Variants in ABCA5 observed in about 807,000 individuals in gnomAD.
ABCA5 encodes cholesterol transporter ABCA5.
A neutral mutation model predicts 206.0 loss-of-function variants in ABCA5; 163 were observed. The ratio of observed to expected loss-of-function variants is 0.79; its 90% CI spans 0.70 to 0.90. ABCA5 has a LOEUF of 0.90. Among genes scored for constraint, ABCA5 ranks in the 40% least tolerant of loss-of-function variants. ABCA5 has a pLI of 0.00. For missense variants in ABCA5, 1,859 were observed against 1,912.9 expected, an observed-to-expected ratio of 0.97 and a Z score of 0.53; for synonymous variants, 609 against 613.8, an observed-to-expected ratio of 0.99 and a Z score of 0.11.
At chr17:69,282,716 G>C (rs911613274) in intron 18 of ABCA5, among the ~76,000 whole-genome samples, 1 of 148,876 alleles carries the variant, frequency 6.7e-6, no homozygotes, top group Middle Eastern at 3.5e-3. Context: ...AGGTTGCAGT[G>C]AGCCGGGATG....
At chr17:69,271,950 C>T (rs1473696576) in intron 20 of ABCA5, among the ~76,000 whole-genome samples, 4 of 152,098 alleles carry the variant, frequency 2.6e-5, no homozygotes, top group Admixed American at 6.6e-5. Context: ...TAAATCCTGT[C>T]GGGATTTAAA....
chr17:69,246,454 C>CA lies in ABCA5; in HGVS notation c.*1082dup, dbSNP rs532287061. 3.3e-5 allele frequency: 5 copies of CA among 152,000 alleles called. No homozygotes were observed. In the South Asian group the frequency reaches 1.0e-3, roughly 31 times the overall value. 9.4% of individuals were successfully genotyped at this position (152,000 alleles called of 1,614,324 possible). On this transcript the variant is annotated 3_prime_UTR_variant, in exon 39 of 39. Coordinates refer to ENST00000392676, the MANE Select transcript of ABCA5 (RefSeq NM_172232.4). ...ATATTAGCCATGCCTTTAACTCTAT[C>CA]AAAAATGAAATTCTGGTTCTTATTA...
At chr17:69,267,061 G>A (rs2075217309) in intron 23 of ABCA5, among the ~76,000 whole-genome samples, 1 of 151,856 alleles carries the variant, frequency 6.6e-6, no homozygotes, top group Non-Finnish European at 1.5e-5. Flanking sequence ...TTTTAGTAGA[G>A]ACGGGGTTTC....
intron 37 of ABCA5, chr17:69,249,594 T>A: frequency 3.1e-6 from 1 of 319,152 alleles, no homozygotes; most frequent in Non-Finnish European, 5.8e-6. Context: ...TGATAAACTG[T>A]GTCAATGCTC....
Position 69,306,732 on chromosome 17 carries a change from C to A in ABCA5, c.781G>T (p.Ala261Ser), listed in dbSNP as rs184731520. The change falls in exon 6 of 39, where the codon GCC (alanine) becomes TCC (serine). Residue 261 changes from alanine (A) to serine (S), a missense_variant. Transcript: ENST00000392676. ...FLKIMGLHDT[A>S]FWLSWVLLYT... ...AAATTTTTAATAACATACCAAAAGG[C>A]AGTATCATGAAGTCCCATTATCTTT... The A allele has an allele frequency of 2.4e-4, 333 of 1,406,260 alleles. No individual in the cohort carries two copies. The African/African-American group carries it at 4.8e-3, about 20-fold the overall frequency. The allele number at this position is 1,406,260 out of a possible 1,614,324, so 87.1% of individuals were successfully genotyped here. A position where few individuals can be genotyped will look rare whatever the true frequency, so the allele number is the denominator to read the frequency against.
At chr17:69,267,864 G>T in intron 23 of ABCA5, 79 bp downstream of exon 23, 1 of 686,434 alleles carries the variant, frequency 1.5e-6, no homozygotes, top group Non-Finnish European at 2.5e-6. Context: ...ATTATACTAA[G>T]CCTTGCAATC....
At chr17:69,314,101 T>G (rs1179313283) in intron 2 of ABCA5, among the ~76,000 whole-genome samples, 3 of 152,138 alleles carry the variant, frequency 2.0e-5, no homozygotes, top group African/African-American at 7.2e-5. Context: ...ATTAACTAAA[T>G]GTAGAAATTA....
At chr17:69,253,718 G>A in intron 33 of ABCA5, 51 bp from the exon 34 acceptor site, 2 of 1,583,968 alleles carry the variant, frequency 1.3e-6, no homozygotes, top group Non-Finnish European at 1.7e-6. Flanking sequence ...TTCACTATAA[G>A]GAATCTATCA....
Position 69,249,987 on chromosome 17 carries a change from G to A in ABCA5, c.4686-3C>T. On this transcript the variant is annotated splice_polypyrimidine_tract_variant and splice_region_variant and intron_variant, in intron 36 of 38. Transcript: ENST00000392676. ...TATAAGCCAAAATAGAAGAAAAACT[G>A]GAAAAAAAGATAAAATATGGAAAAA... 1 of 1,454,562 alleles carries A rather than the reference G, an allele frequency of 6.9e-7. No individual in the cohort carries two copies. Among genetic ancestry groups the A allele is most frequent in the Non-Finnish European group, 9.2e-7 (1 of 1,092,432 alleles). 90.1% of individuals were successfully genotyped at this position (1,454,562 alleles called of 1,614,324 possible). A position where few individuals can be genotyped will look rare whatever the true frequency, so the allele number is the denominator to read the frequency against.
At chr17:69,254,270 C>A in intron 32 of ABCA5, 45 bp downstream of exon 32, 1 of 1,481,816 alleles carries the variant, frequency 6.7e-7, no homozygotes, top group Non-Finnish European at 9.1e-7. Flanking sequence ...GAAATGCAAA[C>A]CTTTCCTCTA....
chr17:69,286,086 A>G, intron 16 of ABCA5, 49 bp from the exon 17 acceptor site: 2 of 1,578,860 alleles, frequency 1.3e-6, no homozygotes, highest in South Asian at 1.2e-5. Context: ...TAAACAGCCA[A>G]AAGTAAATTA....
intron 33 of ABCA5, 60 bp from the exon 34 acceptor site, chr17:69,253,727 C>A: frequency 3.2e-6 from 5 of 1,578,726 alleles, no homozygotes; most frequent in Non-Finnish European, 4.4e-6. Context: ...AGGAATCTAT[C>A]AAGACAATAT....
At chr17:69,301,348 C>T in intron 8 of ABCA5, 62 bp from the exon 9 acceptor site, 1 of 1,436,000 alleles carries the variant, frequency 7.0e-7, no homozygotes, top group Non-Finnish European at 9.4e-7. Flanking sequence ...AAAGCTAACA[C>T]TACTTAAGAG....
In ABCA5 at chr17:69,286,237, TCCC is replaced by T. The variant is rs1567767472; in HGVS notation, c.2113_2115del (p.Gly705del). On this transcript the variant is annotated inframe_deletion, in exon 16 of 39. Transcript: ENST00000392676. ...GAATGATACCTCAGGCGGTAGCCGA[TCCC>T]CCATTTACTTTTGAGGAACATTGAA... 1 of 1,602,700 alleles carries T rather than the reference TCCC, an allele frequency of 6.2e-7. No homozygotes were observed. The highest frequency in any genetic ancestry group is 1.1e-5 in the South Asian group (1 of 88,368).
chr17:69,270,507 C>G lies in ABCA5; in HGVS notation c.3030+106G>C, dbSNP rs996548018. The G allele has an allele frequency of 1.0e-5, 11 of 1,088,600 alleles. No individual in the cohort carries two copies. The African/African-American group carries it at 1.3e-4, about 13-fold the overall frequency. The allele number at this position is 1,088,600 out of a possible 1,614,324, so 67.4% of individuals were successfully genotyped here. On this transcript the variant is annotated intron_variant, in intron 22 of 38. Coordinates refer to ENST00000392676, the MANE Select transcript of ABCA5 (RefSeq NM_172232.4). ...TTGAGTTTTAAGAAGTCTAAGAGAT[C>G]TCACAAGATAAATTTCTACATATTT...
chr17:69,273,868 T>C (rs2075301513), intron 20 of ABCA5, 91 bp downstream of exon 20: 2 of 1,278,680 alleles, frequency 1.6e-6, no homozygotes, highest in Middle Eastern at 2.3e-4. Context: ...TGCCTTTACC[T>C]TAAATATAGT....
chr17:69,287,466 T>C, intron 15 of ABCA5, 147 bp downstream of exon 15: 2 of 1,119,908 alleles, frequency 1.8e-6, no homozygotes, highest in Non-Finnish European at 2.4e-6. Context: ...AAATGTATCA[T>C]TTTAAAATTT....
Position 69,308,394 on chromosome 17 carries a change from AAG to A in ABCA5, c.470-28_470-27del, listed in dbSNP as rs1432009823. 2.7e-6 allele frequency: 4 copies of A among 1,502,130 alleles called. No individual in the cohort carries two copies. In the African/African-American group the frequency reaches 5.5e-5, roughly 21 times the overall value. 93.1% of individuals were successfully genotyped at this position (1,502,130 alleles called of 1,614,324 possible). A position where few individuals can be genotyped will look rare whatever the true frequency, so the allele number is the denominator to read the frequency against. On this transcript the variant is annotated intron_variant, in intron 4 of 38. Coordinates refer to ENST00000392676, the MANE Select transcript of ABCA5 (RefSeq NM_172232.4). ...CTATGGGGGGAAGAATATGAGATCT[AAG>A]ATTCTGTACAACATGCAAGTGCATC...
chr17:69,252,836 CAAAAAAAAAAA>C (rs34161698), intron 34 of ABCA5, among the ~76,000 whole-genome samples: 1 of 97,032 alleles, frequency 1.0e-5, no homozygotes, highest in Non-Finnish European at 2.1e-5. Flanking sequence ...GACTCTGACT[CAAAAAAAAAAA>C]AAAAAAAAGA....
Sources: gnomAD v4.1 joint callset for allele counts (sites outside exome capture counted in the v4.1 genomes callset) on GRCh38, gnomAD v4.1.1 for gene constraint, MANE v1.5 for transcripts, NCBI Gene and HGNC (gene_info 2026-07-23, HGNC 2026-07-21) for gene names.